The following CRPPA variants were observed in gnomAD, a reference collection of about 807,000 sequenced individuals.
CRPPA encodes D-ribitol-5-phosphate cytidylyltransferase.
In CRPPA, 43 loss-of-function variants were observed where a neutral mutation model predicts 52.0. The observed-to-expected ratio is 0.83, with a 90% confidence interval of 0.65 to 1.07. The LOEUF (loss-of-function observed/expected upper bound fraction) is 1.07, where lower values mean the gene tolerates loss of function less well. Among genes scored for constraint, CRPPA ranks in the 50% least tolerant of loss-of-function variants. The probability of loss-of-function intolerance (pLI) is 0.00; values close to 1 mark genes in which losing one functional copy is unlikely to be tolerated. For missense variants in CRPPA, 629 were observed against 551.7 expected, an observed-to-expected ratio of 1.14 and a Z score of -1.40; for synonymous variants, 250 against 203.5, an observed-to-expected ratio of 1.23 and a Z score of -1.94.
intron 2 of CRPPA, among the ~76,000 whole-genome samples, chr7:16,384,626 T>C (rs1787205519): frequency 6.6e-6 from 1 of 152,218 alleles, no homozygotes; most frequent in Admixed American, 6.5e-5. Context: ...AGAGCCCCAC[T>C]GAAACCTTTA....
At chr7:16,144,571 A>G (rs1442460195) in intron 9 of CRPPA, among the ~76,000 whole-genome samples, 1 of 152,218 alleles carries the variant, frequency 6.6e-6, no homozygotes, top group Non-Finnish European at 1.5e-5. Flanking sequence ...AATGGAATGT[A>G]GAGGAGTTTA....
chr7:16,164,636 T>C (rs1189490641), intron 9 of CRPPA, among the ~76,000 whole-genome samples: 4 of 152,216 alleles, frequency 2.6e-5, no homozygotes, highest in African/African-American at 4.8e-5. Flanking sequence ...TTTCCTCATC[T>C]TCATGGATAT....
intron 9 of CRPPA, among the ~76,000 whole-genome samples, chr7:16,178,613 C>T (rs550824169): frequency 3.7e-4 from 57 of 152,002 alleles, no homozygotes; most frequent in African/African-American, 1.3e-3. Context: ...TTTTAAGTTT[C>T]CTTGCTAAAT....
At chr7:16,148,069 A>T (rs912783141) in intron 9 of CRPPA, among the ~76,000 whole-genome samples, 3 of 152,172 alleles carry the variant, frequency 2.0e-5, no homozygotes, top group African/African-American at 7.2e-5. Flanking sequence ...TGCCTCATAC[A>T]GCTGTTATTT....
At chr7:16,371,858 A>T (rs983139340) in intron 3 of CRPPA, among the ~76,000 whole-genome samples, 2 of 152,152 alleles carry the variant, frequency 1.3e-5, no homozygotes, top group African/African-American at 4.8e-5. Context: ...TAGATATCAT[A>T]ATGAAAAAAC....
At chr7:16,345,980 G>C (rs772567773) in intron 3 of CRPPA, among the ~76,000 whole-genome samples, 8 of 152,164 alleles carry the variant, frequency 5.3e-5, no homozygotes, top group Admixed American at 4.6e-4. Context: ...CGTTGTAGAC[G>C]TAAGTGTTCT....
At chr7:16,416,486 A>G (rs935588435) in intron 1 of CRPPA, among the ~76,000 whole-genome samples, 3 of 152,170 alleles carry the variant, frequency 2.0e-5, no homozygotes, top group African/African-American at 7.2e-5. Context: ...AAGTCCTCAA[A>G]AGCAATTCCA....
At chr7:16,148,867 C>T (rs1194407148) in intron 9 of CRPPA, among the ~76,000 whole-genome samples, 1 of 152,230 alleles carries the variant, frequency 6.6e-6, no homozygotes, top group South Asian at 2.1e-4. Context: ...GATGGATATG[C>T]TAATTGCCCT....
At chr7:16,208,625 A>G (rs1210210223) in intron 9 of CRPPA, among the ~76,000 whole-genome samples, 1 of 152,088 alleles carries the variant, frequency 6.6e-6, no homozygotes, top group Non-Finnish European at 1.5e-5. Context: ...AACTCCTCCT[A>G]TACTATTGTG....
At chr7:16,214,870 G>T (rs1000426932) in intron 9 of CRPPA, among the ~76,000 whole-genome samples, 3 of 152,036 alleles carry the variant, frequency 2.0e-5, no homozygotes, top group Non-Finnish European at 4.4e-5. Context: ...ATCTGTCCTC[G>T]GGCAAATATA....
At chr7:16,235,823 C>T (rs1026646875) in intron 8 of CRPPA, 1 of 152,030 alleles carries the variant, frequency 6.6e-6, no homozygotes, top group Non-Finnish European at 1.5e-5. Context: ...TACTCATGAA[C>T]ATTATGTGAT....
chr7:16,242,506 T>C (rs1425567302), intron 8 of CRPPA, among the ~76,000 whole-genome samples: 4 of 152,100 alleles, frequency 2.6e-5, no homozygotes, highest in Non-Finnish European at 4.4e-5. Context: ...ACAGAGGTGG[T>C]AGCAATACTA....
At chr7:16,186,289 G>A (rs920680241) in intron 9 of CRPPA, among the ~76,000 whole-genome samples, 6 of 152,132 alleles carry the variant, frequency 3.9e-5, no homozygotes, top group African/African-American at 1.4e-4. Flanking sequence ...AGGTAATTAG[G>A]TCAGAAGGGT....
intron 9 of CRPPA, among the ~76,000 whole-genome samples, chr7:16,107,134 A>G (rs1782170158): frequency 6.6e-6 from 1 of 152,056 alleles, no homozygotes; most frequent in African/African-American, 2.4e-5. Flanking sequence ...GCAGCAAAGG[A>G]CCGAACATTC....
intron 9 of CRPPA, among the ~76,000 whole-genome samples, chr7:16,156,758 C>A (rs947293686): frequency 6.6e-6 from 1 of 152,048 alleles, no homozygotes. Context: ...CTTAAGAAAC[C>A]TTTTTGGGGG....
intron 3 of CRPPA, among the ~76,000 whole-genome samples, chr7:16,371,806 T>A (rs536543453): frequency 1.6e-4 from 24 of 152,140 alleles, no homozygotes; most frequent in African/African-American, 5.8e-4. Context: ...CTTAAAGACT[T>A]TTTTTAAATC....
At chr7:16,238,609 G>C (rs749402092) in intron 8 of CRPPA, among the ~76,000 whole-genome samples, 1 of 151,894 alleles carries the variant, frequency 6.6e-6, no homozygotes. Flanking sequence ...GATAAGAAAT[G>C]GACAAATACA....
intron 3 of CRPPA, among the ~76,000 whole-genome samples, chr7:16,334,083 G>C (rs1291710514): frequency 6.6e-6 from 1 of 151,994 alleles, no homozygotes; most frequent in Non-Finnish European, 1.5e-5. Flanking sequence ...ATGGGGTTGA[G>C]GGCCACCAAC....
chr7:16,128,306 GA>G (rs1317532449), intron 9 of CRPPA, among the ~76,000 whole-genome samples: 14 of 151,368 alleles, frequency 9.2e-5, no homozygotes, highest in South Asian at 4.2e-4. Context: ...TATTACTTGA[GA>G]AAAAAAATAA....
Sources: allele counts gnomAD v4.1 joint callset (sites outside exome capture counted in the v4.1 genomes callset), GRCh38; gene constraint gnomAD v4.1.1; transcripts MANE v1.5; gene names NCBI Gene and HGNC (gene_info 2026-07-23, HGNC 2026-07-21).